EPHA3: variants seen among roughly 807,000 people sequenced by gnomAD.
EPHA3 encodes the protein EPH receptor A3.
A neutral mutation model predicts 107.1 loss-of-function variants in EPHA3; 42 were observed. The observed-to-expected ratio is 0.39, with a 90% CI of 0.31 to 0.51. EPHA3 has a LOEUF of 0.51. Among genes scored for constraint, EPHA3 ranks in the 20% least tolerant of loss-of-function variants. The pLI is 0.78. For missense variants in EPHA3, 1,183 were observed against 1,211.2 expected (o/e 0.98, Z 0.35); for synonymous variants, 461 against 424.8 (o/e 1.09, Z -1.05).
chr3:89,243,341 C>T (rs1355552313), intron 3 of EPHA3, among the ~76,000 whole-genome samples: 1 of 152,166 alleles, frequency 6.6e-6, no homozygotes, highest in Non-Finnish European at 1.5e-5. Flanking sequence ...CTGACTTCCA[C>T]AATGGTTGAA....
At chr3:89,391,727 C>T (rs915083448) in intron 5 of EPHA3, among the ~76,000 whole-genome samples, 1 of 152,022 alleles carries the variant, frequency 6.6e-6, no homozygotes, top group Non-Finnish European at 1.5e-5. Context: ...GCCACCGCGC[C>T]CGGCCTATTT....
chr3:89,378,033 G>A (rs549225150), intron 5 of EPHA3, among the ~76,000 whole-genome samples: 14 of 152,016 alleles, frequency 9.2e-5, no homozygotes, highest in Non-Finnish European at 5.9e-5. Flanking sequence ...AACACCGCAT[G>A]GTCTCACTCA....
chr3:89,184,091 T>G (rs925267413), intron 2 of EPHA3, among the ~76,000 whole-genome samples: 1 of 151,982 alleles, frequency 6.6e-6, no homozygotes. Context: ...AAGATGTTGG[T>G]ATTCTTCAAA....
intron 3 of EPHA3, among the ~76,000 whole-genome samples, chr3:89,259,689 G>A (rs1160737847): frequency 6.6e-6 from 1 of 152,134 alleles, no homozygotes; most frequent in African/African-American, 2.4e-5. Context: ...AAACACAGAA[G>A]CTAACATCTA....
chr3:89,392,840 A>G (rs1369672419), intron 5 of EPHA3, among the ~76,000 whole-genome samples: 1 of 152,052 alleles, frequency 6.6e-6, no homozygotes, highest in Non-Finnish European at 1.5e-5. Context: ...TTAATATTCT[A>G]AATTGTGTCA....
chr3:89,121,892 A>G (rs540573533), intron 1 of EPHA3, among the ~76,000 whole-genome samples: 5 of 152,344 alleles, frequency 3.3e-5, no homozygotes, highest in East Asian at 1.9e-4. Context: ...TCAAAAATCT[A>G]TCTTCTCTAA....
intron 2 of EPHA3, among the ~76,000 whole-genome samples, chr3:89,149,027 C>A (rs866083086): frequency 6.6e-6 from 1 of 151,800 alleles, no homozygotes; most frequent in South Asian, 2.1e-4. Flanking sequence ...TTGAAGCCAG[C>A]GCATACCAAT....
At chr3:89,145,175 A>C (rs1704511001) in intron 2 of EPHA3, among the ~76,000 whole-genome samples, 1 of 151,648 alleles carries the variant, frequency 6.6e-6, no homozygotes. Context: ...TACCTGAGTC[A>C]TTGTTCTCAA....
chr3:89,405,974 T>G lies in EPHA3; in HGVS notation c.1595-1295T>G, dbSNP rs3792573. 1.9e-4 allele frequency among the ~76,000 whole-genome samples: 29 copies of G among 152,228 alleles called. No homozygotes were observed. The East Asian group carries it at 5.4e-3, about 28-fold the overall frequency. On this transcript the variant is annotated intron_variant, in intron 7 of 16. Coordinates refer to ENST00000336596, the MANE Select transcript of EPHA3 (RefSeq NM_005233.6). The stretch of plus-strand genomic sequence containing the variant: ...CCTGAAAGTTATAAAGAGCCAAAAT[T>G]TTCCTATGCAAAACTTTTATGCATA...
At position 89,368,984 on chromosome 3, in the gene EPHA3, T is replaced by C. The variant is rs990064822; in HGVS notation, c.1307-26853T>C. ...GTGAAGTAAGATGCCTAGTTCACAC[T>C]GGTGTTGCTGACTCACAATTTGAAC... On this transcript the variant is annotated intron_variant, in intron 5 of 16. Coordinates refer to ENST00000336596, the MANE Select transcript of EPHA3 (RefSeq NM_005233.6). Among the ~76,000 whole-genome samples the C allele has an allele frequency of 2.7e-5, 4 of 150,642 alleles. No individual in the cohort carries two copies. In the Admixed American group the frequency reaches 2.7e-4, roughly 10 times the overall value.
intron 16 of EPHA3, among the ~76,000 whole-genome samples, chr3:89,479,023 C>T (rs1199677873): frequency 3.3e-5 from 5 of 152,138 alleles, no homozygotes; most frequent in Admixed American, 6.5e-5. Flanking sequence ...ATTTGTACAT[C>T]GCCTTCTTCT....
chr3:89,392,037 C>A (rs1267917790), intron 5 of EPHA3, among the ~76,000 whole-genome samples: 4 of 152,124 alleles, frequency 2.6e-5, no homozygotes, highest in Admixed American at 6.6e-5. Flanking sequence ...TGCTAACTTG[C>A]GTCAATGCCT....
At position 89,290,779 on chromosome 3, in the gene EPHA3, T is replaced by C. The variant is rs747420552; in HGVS notation, c.815-50137T>C. 1.6e-4 allele frequency among the ~76,000 whole-genome samples: 25 copies of C among 152,284 alleles called. 1 individual carries two copies. Among genetic ancestry groups the C allele is most frequent in the Admixed American group, 3.3e-4 (5 of 15,266 alleles). ...GCACATAAAGTTCAGTTAAAGTCAT[T>C]GAGCAGGCAGCTCTCTTTTGAGCAC... is the stretch of plus-strand genomic sequence containing the variant. On this transcript the variant is annotated intron_variant, in intron 3 of 16. Coordinates refer to ENST00000336596, the MANE Select transcript of EPHA3 (RefSeq NM_005233.6).
intron 5 of EPHA3, among the ~76,000 whole-genome samples, chr3:89,384,834 C>A (rs777239765): frequency 3.9e-5 from 6 of 152,116 alleles, no homozygotes; most frequent in Non-Finnish European, 8.8e-5. Context: ...AACCATCATT[C>A]TCATCACCTT....
chr3:89,400,273 A>C, intron 7 of EPHA3: 1 of 180,392 alleles, frequency 5.5e-6, no homozygotes. Flanking sequence ...GGCTCACTGC[A>C]AGCTCCTGCA....
intron 13 of EPHA3, among the ~76,000 whole-genome samples, chr3:89,435,008 G>A (rs1329035735): frequency 1.3e-5 from 2 of 151,770 alleles, no homozygotes; most frequent in African/African-American, 4.8e-5. Context: ...TCTCATAATA[G>A]GCCTTATTGA....
At chr3:89,473,443 G>A (rs766190272) in intron 16 of EPHA3, among the ~76,000 whole-genome samples, 8 of 152,172 alleles carry the variant, frequency 5.3e-5, no homozygotes, top group African/African-American at 9.7e-5. Flanking sequence ...TATTCACAAA[G>A]TAGAGTGTTT....
At chr3:89,402,923 C>G (rs1474417189) in intron 7 of EPHA3, among the ~76,000 whole-genome samples, 1 of 152,160 alleles carries the variant, frequency 6.6e-6, no homozygotes, top group Non-Finnish European at 1.5e-5. Context: ...AGTAATCCGA[C>G]TGCCTTGGCC....
chr3:89,343,380 G>A (rs1180378620), intron 5 of EPHA3, among the ~76,000 whole-genome samples: 4 of 152,098 alleles, frequency 2.6e-5, no homozygotes, highest in Non-Finnish European at 5.9e-5. Flanking sequence ...GTTCCTGCAG[G>A]TTATTACAGA....
Sources: gnomAD v4.1 joint callset for allele counts (sites outside exome capture counted in the v4.1 genomes callset) on GRCh38, gnomAD v4.1.1 for gene constraint, MANE v1.5 for transcripts, NCBI Gene and HGNC (gene_info 2026-07-23, HGNC 2026-07-21) for gene names.